LIPH: variants seen among roughly 807,000 people sequenced by gnomAD.
LIPH encodes the protein lipase H, also known as lipase member H.
A neutral mutation model predicts 47.6 loss-of-function variants in LIPH; 32 were observed. The ratio of observed to expected loss-of-function variants is 0.67; its 90% confidence interval spans 0.51 to 0.90. The LOEUF is 0.90. Ranked by LOEUF, LIPH falls within the 40% of genes least tolerant of loss-of-function variation. LIPH has a pLI of 0.00. For missense variants in LIPH, 497 were observed against 541.4 expected, an observed-to-expected ratio of 0.92 and a Z score of 0.81; for synonymous variants, 190 against 195.6, an observed-to-expected ratio of 0.97 and a Z score of 0.24.
chr3:185,519,719 C>A (rs972248390), intron 5 of LIPH, among the ~76,000 whole-genome samples: 1 of 151,366 alleles, frequency 6.6e-6, no homozygotes, highest in Non-Finnish European at 1.5e-5. Flanking sequence ...ACCTGTAGTC[C>A]CAACTACTCA....
Position 185,508,630 on chromosome 3 carries a change from G to A in LIPH, c.*160C>T. The A allele has an allele frequency of 1.5e-6, 1 of 661,918 alleles. No homozygotes were observed. The highest frequency in any genetic ancestry group is 1.7e-5 in the South Asian group (1 of 59,614). The allele number at this position is 661,918 out of a possible 1,614,324, so 41.0% of individuals were successfully genotyped here. On this transcript the variant is annotated 3_prime_UTR_variant, in exon 10 of 10. Transcript: ENST00000296252. ...CCCAGGATCGTTTTATAATCACAAG[G>A]TTGTTTGATGTACAATGTGACATCC...
At chr3:185,550,158 A>C (rs1721007839) in intron 1 of LIPH, among the ~76,000 whole-genome samples, 1 of 152,232 alleles carries the variant, frequency 6.6e-6, no homozygotes, top group Non-Finnish European at 1.5e-5. Flanking sequence ...AAAAACAAGA[A>C]GTCCATGTAT....
chr3:185,524,237 A>C lies in LIPH; in HGVS notation c.629-77T>G, dbSNP rs1029752924. 2.4e-5 allele frequency: 20 copies of C among 833,702 alleles called. No homozygotes were observed. The African/African-American group carries it at 3.2e-4, about 13-fold the overall frequency. 51.6% of individuals were successfully genotyped at this position (833,702 alleles called of 1,614,324 possible). On this transcript the variant is annotated intron_variant, in intron 4 of 9. Coordinates refer to ENST00000296252, the MANE Select transcript of LIPH (RefSeq NM_139248.3). Reference sequence around the variant, plus strand: ...ACAGCTCATTTGCCTGCCAGGTATAAGCAGGAATTGTATTATTATTGTTGT... The same window carrying C: ...ACAGCTCATTTGCCTGCCAGGTATACGCAGGAATTGTATTATTATTGTTGT...
At chr3:185,551,487 G>C (rs1247803454) in intron 1 of LIPH, among the ~76,000 whole-genome samples, 1 of 152,114 alleles carries the variant, frequency 6.6e-6, no homozygotes, top group East Asian at 1.9e-4. Context: ...CAGTTGAAAG[G>C]CTACTTTAAA....
rs146218081 is a variant in LIPH at position 185,508,196 on chromosome 3, G to A, written c.*594C>T. ...CGAGAGAGAAGCTGGTGTTGATAGA[G>A]AGAGGCTCTCTTATTGCAAATTAGA... is the stretch of plus-strand genomic sequence containing the variant. On this transcript the variant is annotated 3_prime_UTR_variant, in exon 10 of 10. Transcript: ENST00000296252. 11 of 155,278 alleles carry A rather than the reference G, an allele frequency of 7.1e-5. No homozygotes were observed. In the East Asian group the frequency reaches 7.6e-4, roughly 11 times the overall value. 9.6% of individuals were successfully genotyped at this position (155,278 alleles called of 1,614,324 possible).
At chr3:185,535,258 C>CCAGTTGAAT (rs1388252273) in intron 1 of LIPH, 126 bp from the exon 2 acceptor site, 19 of 1,151,034 alleles carry the variant, frequency 1.7e-5, no homozygotes, top group Non-Finnish European at 3.8e-6. Flanking sequence ...AGGGCTGGAT[C>CCAGTTGAAT]CAGTTGAATG....
At chr3:185,543,520 T>G (rs775234342) in intron 1 of LIPH, among the ~76,000 whole-genome samples, 2 of 152,218 alleles carry the variant, frequency 1.3e-5, no homozygotes, top group Non-Finnish European at 2.9e-5. Context: ...GAGCAATGGT[T>G]CAGTATTTGC....
intron 3 of LIPH, among the ~76,000 whole-genome samples, chr3:185,532,441 G>C (rs948005523): frequency 1.7e-3 from 263 of 151,648 alleles, no homozygotes; most frequent in Admixed American, 2.6e-3. Context: ...GCCTGGGGGG[G>C]CGTTGAGGCT....
chr3:185,537,402 C>A (rs1316239773), intron 1 of LIPH, among the ~76,000 whole-genome samples: 1 of 152,134 alleles, frequency 6.6e-6, no homozygotes, highest in East Asian at 1.9e-4. Context: ...TCTGCTTCAT[C>A]AAGTAGCCTG....
intron 4 of LIPH, among the ~76,000 whole-genome samples, chr3:185,524,740 C>T (rs747059474): frequency 2.0e-4 from 30 of 152,150 alleles, no homozygotes; most frequent in Non-Finnish European, 4.3e-4. Flanking sequence ...TGAGCCATTG[C>T]GCCTGGCCCC....
At chr3:185,546,604 G>A (rs562418887) in intron 1 of LIPH, among the ~76,000 whole-genome samples, 31 of 152,184 alleles carry the variant, frequency 2.0e-4, no homozygotes, top group Middle Eastern at 3.4e-3. Flanking sequence ...TTCGAGACCC[G>A]CCTGGAACAA....
At chr3:185,540,941 T>C (rs1720690480) in intron 1 of LIPH, among the ~76,000 whole-genome samples, 1 of 152,176 alleles carries the variant, frequency 6.6e-6, no homozygotes, top group East Asian at 1.9e-4. Context: ...CTGCCATGTG[T>C]TCTGCTGCTG....
chr3:185,508,913 T>C, intron 9 of LIPH, 36 bp from the exon 10 acceptor site: 1 of 1,243,206 alleles, frequency 8.0e-7, no homozygotes, highest in Non-Finnish European at 1.2e-6. Flanking sequence ...TGTAAATGAA[T>C]TTATAAAAAT....
At chr3:185,547,876 G>A (rs1333008655) in intron 1 of LIPH, among the ~76,000 whole-genome samples, 1 of 151,660 alleles carries the variant, frequency 6.6e-6, no homozygotes, top group Non-Finnish European at 1.5e-5. Context: ...CTGAGACCCA[G>A]ATAAAGATTA....
chr3:185,530,206 C>T (rs1398108006), intron 3 of LIPH, among the ~76,000 whole-genome samples: 9 of 151,784 alleles, frequency 5.9e-5, no homozygotes, highest in Admixed American at 3.3e-4. Flanking sequence ...AGGCTGGGCA[C>T]AGTGGCTCAT....
chr3:185,545,313 C>T (rs1720837072), intron 1 of LIPH, among the ~76,000 whole-genome samples: 1 of 152,166 alleles, frequency 6.6e-6, no homozygotes, highest in Non-Finnish European at 1.5e-5. Context: ...CATGTATTCC[C>T]TTCTATCTCT....
At chr3:185,531,728 T>A (rs1416753745) in intron 3 of LIPH, among the ~76,000 whole-genome samples, 1 of 151,884 alleles carries the variant, frequency 6.6e-6, no homozygotes, top group Admixed American at 6.6e-5. Context: ...ATTAAAAAAA[T>A]TAAAATAAAT....
chr3:185,529,964 AGGAAAGAAAGAAAGAGAG>A (rs1178611067), intron 3 of LIPH, among the ~76,000 whole-genome samples: 5 of 56,224 alleles, frequency 8.9e-5, no homozygotes, highest in African/African-American at 1.8e-4. Context: ...GAAAGAAAGA[AGGAAAGAAAGAAAGAGAG>A]AGAGAGAGAA....
intron 5 of LIPH, among the ~76,000 whole-genome samples, chr3:185,519,789 A>C (rs532274173): frequency 8.1e-6 from 1 of 122,836 alleles, no homozygotes; most frequent in Non-Finnish European, 1.6e-5. Flanking sequence ...GTGAGCCGAG[A>C]TTGTGCCATT....
Sources: gnomAD v4.1 joint callset for allele counts (sites outside exome capture counted in the v4.1 genomes callset) on GRCh38, gnomAD v4.1.1 for gene constraint, MANE v1.5 for transcripts, NCBI Gene and HGNC (gene_info 2026-07-23, HGNC 2026-07-21) for gene names.